Variants in TMBIM4 observed in about 807,000 individuals in gnomAD.
TMBIM4 encodes the protein protein lifeguard 4.
TMBIM4 carries 28 observed loss-of-function variants against 27.7 expected under a neutral mutation model. That is an observed-to-expected ratio of 1.01 (90% CI 0.75 to 1.38). TMBIM4 has a LOEUF of 1.38. Ranked by LOEUF, TMBIM4 falls within the 40% of genes most tolerant of loss-of-function variation. TMBIM4 has a pLI of 0.00. For synonymous variants in TMBIM4, 115 were observed against 113.1 expected (o/e 1.02, Z -0.11); for missense variants, 265 against 277.5 (o/e 0.95, Z 0.32).
chr12:66,166,545 C>T (rs1312498305), intron 1 of TMBIM4, among the ~76,000 whole-genome samples: 4 of 151,378 alleles, frequency 2.6e-5, no homozygotes, highest in Non-Finnish European at 5.9e-5. Context: ...TGAAAAGATG[C>T]TCAACATTAT....
chr12:66,169,060 C>T (rs2052185405), intron 1 of TMBIM4: 1 of 386,378 alleles, frequency 2.6e-6, no homozygotes, highest in Admixed American at 4.7e-5. Flanking sequence ...TTTTCCAGAA[C>T]AAGTTCTAGG....
At chr12:66,159,104 C>T (rs982216734) in intron 1 of TMBIM4, among the ~76,000 whole-genome samples, 3 of 152,188 alleles carry the variant, frequency 2.0e-5, no homozygotes, top group Non-Finnish European at 4.4e-5. Context: ...AATACAGCTA[C>T]AGATTATTTG....
In TMBIM4 at chr12:66,169,845, G is replaced by C; in HGVS notation, c.97+10C>G. 6.6e-7 allele frequency: 1 copy of C among 1,510,530 alleles called. No individual in the cohort carries two copies. Among genetic ancestry groups the C allele is most frequent in the Non-Finnish European group, 8.9e-7 (1 of 1,129,336 alleles). The allele number at this position is 1,510,530 out of a possible 1,614,324, so 93.6% of individuals were successfully genotyped here. A position where few individuals can be genotyped will look rare whatever the true frequency, so the allele number is the denominator to read the frequency against. ...AGCGGCTGGGAGGCACTGGAGAGGG[G>C]ACAACGTACCCATTCGGATGTGCAC... On this transcript the variant is annotated intron_variant, in intron 1 of 6. Transcript: ENST00000358230.
intron 5 of TMBIM4, among the ~76,000 whole-genome samples, chr12:66,139,863 G>C (rs1205352870): frequency 6.6e-6 from 1 of 152,178 alleles, no homozygotes; most frequent in African/African-American, 2.4e-5. Flanking sequence ...ACAAGCTGGA[G>C]TAGAAAGACC....
At chr12:66,166,149 T>C (rs565539620) in intron 1 of TMBIM4, among the ~76,000 whole-genome samples, 7 of 152,190 alleles carry the variant, frequency 4.6e-5, no homozygotes, top group Non-Finnish European at 8.8e-5. Context: ...CCCAACACCA[T>C]TTGTTGAAGA....
intron 1 of TMBIM4, among the ~76,000 whole-genome samples, chr12:66,158,196 A>G (rs1462405940): frequency 6.9e-6 from 1 of 144,472 alleles, no homozygotes; most frequent in Non-Finnish European, 1.5e-5. Flanking sequence ...ACTGCACTCC[A>G]GCCTGGGCGA....
intron 1 of TMBIM4, 92 bp from the exon 2 acceptor site, chr12:66,153,540 C>A (rs1227313178): frequency 9.0e-6 from 6 of 663,924 alleles, no homozygotes; most frequent in Middle Eastern, 4.4e-4. Flanking sequence ...TTGTTTTTTA[C>A]ACGTATTCTT....
Position 66,138,047 on chromosome 12 carries a change from G to A in TMBIM4, c.630C>T (p.Tyr210=), listed in dbSNP as rs554625377. 21 of 1,613,936 alleles carry A rather than the reference G, an allele frequency of 1.3e-5. No individual in the cohort carries two copies. Among genetic ancestry groups the A allele is most frequent in the African/African-American group, 2.7e-5 (2 of 74,994 alleles). Residue 210 remains tyrosine, a synonymous_variant, in exon 7 of 7, where the codon TAC becomes TAT. Transcript: ENST00000358230. ...SLMHKLSPEE[Y]VLAAISLYLD... is the part of the protein sequence containing the mutation. Reference sequence around the variant, plus strand: ...AGTAGAGGCTGATGGCAGCTAATACGTACTCTTCAGGTGACAGTTTATGCA... The same window carrying A: ...AGTAGAGGCTGATGGCAGCTAATACATACTCTTCAGGTGACAGTTTATGCA...
At chr12:66,146,499 C>A (rs1466355775) in intron 4 of TMBIM4, among the ~76,000 whole-genome samples, 1 of 152,154 alleles carries the variant, frequency 6.6e-6, no homozygotes, top group Non-Finnish European at 1.5e-5. Context: ...ACTTACCCTG[C>A]AGAGGACAGA....
chr12:66,154,193 C>T (rs762007116), intron 1 of TMBIM4, among the ~76,000 whole-genome samples: 1 of 152,178 alleles, frequency 6.6e-6, no homozygotes, highest in Non-Finnish European at 1.5e-5. Context: ...CTTCACACTT[C>T]CGGCTAACTA....
Position 66,147,936 on chromosome 12 carries a change from C to T in TMBIM4, c.318G>A (p.Leu106=), listed in dbSNP as rs1048678653. 3 of 1,611,450 alleles carry T rather than the reference C, an allele frequency of 1.9e-6. No individual in the cohort carries two copies. In the African/African-American group the frequency reaches 4.0e-5, roughly 22 times the overall value. The change falls in exon 4 of 7, where the codon CTG becomes CTA. Residue 106 remains leucine (L), a synonymous_variant. Transcript: ENST00000358230. ...CAACTGCCACAGTCAGAGCTTCCAA[C>T]AGCGTCTAATGAAAAGAAACTTAAA... is the stretch of plus-strand genomic sequence containing the variant. ...LNLYLLFGFT[L]LEALTVAVVV...
chr12:66,152,753 C>G (rs2051868690), intron 2 of TMBIM4, among the ~76,000 whole-genome samples: 1 of 151,982 alleles, frequency 6.6e-6, no homozygotes. Context: ...AAGAATTTTA[C>G]CTCACATAGC....
intron 1 of TMBIM4, among the ~76,000 whole-genome samples, chr12:66,160,936 G>A (rs1243658005): frequency 7.1e-6 from 1 of 141,486 alleles, no homozygotes; most frequent in Non-Finnish European, 1.6e-5. Context: ...GCGGGCAGAG[G>A]CGCTGCTCAC....
At chr12:66,167,974 C>T (rs1030581367) in intron 1 of TMBIM4, among the ~76,000 whole-genome samples, 1 of 152,112 alleles carries the variant, frequency 6.6e-6, no homozygotes, top group Non-Finnish European at 1.5e-5. Flanking sequence ...AATCCCAGGA[C>T]TTTGGGAGGC....
Position 66,137,155 on chromosome 12 carries a change from C to A in TMBIM4, c.*805G>T, listed in dbSNP as rs1186738015. The stretch of plus-strand genomic sequence containing the variant: ...AAGTCATTAACATTTTAATGTAATA[C>A]TGAATAATTCTCTGTGGAATTTATC... On this transcript the variant is annotated 3_prime_UTR_variant, in exon 7 of 7. Coordinates refer to ENST00000358230, the MANE Select transcript of TMBIM4 (RefSeq NM_016056.4). 6.6e-6 allele frequency: 1 copy of A among 152,112 alleles called. No homozygotes were observed. The highest frequency in any genetic ancestry group is 6.5e-5 in the Admixed American group (1 of 15,274). The allele number at this position is 152,112 out of a possible 1,614,324, so 9.4% of individuals were successfully genotyped here.
intron 1 of TMBIM4, 88 bp downstream of exon 1, chr12:66,169,767 C>A (rs187624693): frequency 5.6e-6 from 6 of 1,064,902 alleles, no homozygotes; most frequent in East Asian, 3.2e-5. Flanking sequence ...AGGAGATGGC[C>A]GCTCTCCCTC....
At chr12:66,152,421 C>G in intron 2 of TMBIM4, 45 bp from the exon 3 acceptor site, 1 of 1,307,812 alleles carries the variant, frequency 7.6e-7, no homozygotes, top group Non-Finnish European at 1.1e-6. Context: ...GAAAAAATAG[C>G]ATGAGCAGTA....
chr12:66,145,009 AT>A (rs1365690951), intron 5 of TMBIM4, among the ~76,000 whole-genome samples: 1 of 152,200 alleles, frequency 6.6e-6, no homozygotes, highest in Non-Finnish European at 1.5e-5. Context: ...CTTTCATCAT[AT>A]ATGCCACACA....
At position 66,137,776 on chromosome 12, in the gene TMBIM4, T is replaced by C; in HGVS notation, c.*184A>G. On this transcript the variant is annotated 3_prime_UTR_variant, in exon 7 of 7. Coordinates refer to ENST00000358230, the MANE Select transcript of TMBIM4 (RefSeq NM_016056.4). Reference sequence around the variant, plus strand: ...TTTAGAAATGAGGTATCATAAAGAATAGTAAGATTTTAAAGCTCTCAAAAT... The same window carrying C: ...TTTAGAAATGAGGTATCATAAAGAACAGTAAGATTTTAAAGCTCTCAAAAT... The C allele has an allele frequency of 1.8e-6, 1 of 565,774 alleles. No homozygotes were observed. Among genetic ancestry groups the C allele is most frequent in the African/African-American group, 1.9e-5 (1 of 53,176 alleles). 35.0% of individuals were successfully genotyped at this position (565,774 alleles called of 1,614,324 possible).
Sources: allele counts gnomAD v4.1 joint callset (sites outside exome capture counted in the v4.1 genomes callset), GRCh38; gene constraint gnomAD v4.1.1; transcripts MANE v1.5; gene names NCBI Gene and HGNC (gene_info 2026-07-23, HGNC 2026-07-21).